Variants in MAML3 observed in about 807,000 individuals in gnomAD.
MAML3 encodes mastermind-like protein 3.
MAML3 carries 27 observed loss-of-function variants against 101.9 expected under a neutral mutation model. The ratio of observed to expected loss-of-function variants is 0.27; its 90% confidence interval spans 0.20 to 0.37. The LOEUF (loss-of-function observed/expected upper bound fraction) is 0.37, where lower values mean the gene tolerates loss of function less well. Among genes scored for constraint, MAML3 ranks in the 10% least tolerant of loss-of-function variants. MAML3 has a pLI of 1.00. For missense variants in MAML3, 1,316 were observed against 1,444.9 expected (o/e 0.91, Z 1.45); for synonymous variants, 501 against 555.9 (o/e 0.90, Z 1.39).
chr4:139,728,766 G>A (rs1728580609), intron 3 of MAML3, among the ~76,000 whole-genome samples: 1 of 152,124 alleles, frequency 6.6e-6, no homozygotes, highest in African/African-American at 2.4e-5. Flanking sequence ...TCATCTTGAC[G>A]TGTCTCTTCT....
At position 140,104,369 on chromosome 4, in the gene MAML3, T is replaced by TAC. The variant is rs1728301154; in HGVS notation, c.468+48490_468+48491insGT. Reference sequence around the variant, plus strand: ...AAAAAAACCAAACCTATTTTATATATATATATAATATATATATATTATATA... The same window carrying TAC: ...AAAAAAACCAAACCTATTTTATATATACATATATAATATATATATATTATATA... On this transcript the variant is annotated intron_variant, in intron 1 of 4. Coordinates refer to ENST00000509479, the MANE Select transcript of MAML3 (RefSeq NM_018717.5). Among the ~76,000 whole-genome samples the TAC allele has an allele frequency of 2.6e-3, 13 of 5,064 alleles. No individual in the cohort carries two copies. The South Asian group carries it at 0.19, about 75-fold the overall frequency. The allele number at this position is 5,064 out of a possible 152,430, so 3.3% of individuals were successfully genotyped here.
chr4:139,812,382 C>G (rs1346484833), intron 2 of MAML3, among the ~76,000 whole-genome samples: 1 of 152,154 alleles, frequency 6.6e-6, no homozygotes, highest in East Asian at 1.9e-4. Context: ...GAGACCTTCT[C>G]CCTCATCCCT....
intron 2 of MAML3, among the ~76,000 whole-genome samples, chr4:139,855,662 T>C (rs1731645895): frequency 1.3e-5 from 2 of 152,250 alleles, no homozygotes; most frequent in Admixed American, 1.3e-4. Context: ...CTTTACCTTA[T>C]GAAGTGCTTT....
At chr4:140,065,700 A>G (rs1727523735) in intron 1 of MAML3, among the ~76,000 whole-genome samples, 1 of 152,216 alleles carries the variant, frequency 6.6e-6, no homozygotes, top group African/African-American at 2.4e-5. Context: ...ATCAAAAGTT[A>G]CAAGTTGTAT....
At chr4:139,770,274 A>C (rs765231069) in intron 2 of MAML3, among the ~76,000 whole-genome samples, 5 of 152,096 alleles carry the variant, frequency 3.3e-5, no homozygotes, top group Non-Finnish European at 7.4e-5. Flanking sequence ...CATCTTAGAA[A>C]TTTTCATTAC....
chr4:139,718,396 TG>T lies in MAML3; in HGVS notation c.*926del, dbSNP rs1265953471. 1 of 151,824 alleles carries T rather than the reference TG, an allele frequency of 6.6e-6. No individual in the cohort carries two copies. The highest frequency in any genetic ancestry group is 1.5e-5 in the Non-Finnish European group (1 of 68,004). 9.4% of individuals were successfully genotyped at this position (151,824 alleles called of 1,614,324 possible). A position where few individuals can be genotyped will look rare whatever the true frequency, so the allele number is the denominator to read the frequency against. Reference sequence around the variant, plus strand: ...TCTGTAAGGAGAAGCAAGGGGAGGCTGGTGTGGAGGCAAGGAGGAATAAAGG... The same window carrying T: ...TCTGTAAGGAGAAGCAAGGGGAGGCTGTGTGGAGGCAAGGAGGAATAAAGG... On this transcript the variant is annotated 3_prime_UTR_variant, in exon 5 of 5. Coordinates refer to ENST00000509479, the MANE Select transcript of MAML3 (RefSeq NM_018717.5).
chr4:139,841,812 T>A (rs1731367343), intron 2 of MAML3, among the ~76,000 whole-genome samples: 1 of 152,232 alleles, frequency 6.6e-6, no homozygotes, highest in South Asian at 2.1e-4. Context: ...ATTAGCATAA[T>A]GAAAAGGCAA....
At chr4:139,743,030 AC>A (rs1022875528) in intron 2 of MAML3, among the ~76,000 whole-genome samples, 3 of 151,432 alleles carry the variant, frequency 2.0e-5, no homozygotes, top group Admixed American at 1.3e-4. Context: ...GCCCACTACC[AC>A]CCCCTCATTT....
intron 1 of MAML3, among the ~76,000 whole-genome samples, chr4:140,048,196 T>C (rs1221665244): frequency 6.6e-6 from 1 of 152,132 alleles, no homozygotes; most frequent in Non-Finnish European, 1.5e-5. Context: ...ATTTCAAGAA[T>C]GAAAGGGAAA....
At chr4:140,111,125 C>T (rs772282984) in intron 1 of MAML3, among the ~76,000 whole-genome samples, 1 of 152,168 alleles carries the variant, frequency 6.6e-6, no homozygotes, top group Admixed American at 6.5e-5. Flanking sequence ...ATGTATTAAA[C>T]ATGGCATAGC....
chr4:140,032,338 T>C (rs1220953237), intron 1 of MAML3, among the ~76,000 whole-genome samples: 2 of 152,238 alleles, frequency 1.3e-5, no homozygotes, highest in Non-Finnish European at 2.9e-5. Context: ...CCTATCTTTG[T>C]AGCGGATGAC....
At chr4:139,918,059 C>G (rs146604815) in intron 1 of MAML3, among the ~76,000 whole-genome samples, 132 of 152,224 alleles carry the variant, frequency 8.7e-4, no homozygotes, top group African/African-American at 3.0e-3. Context: ...GTGTGGCCAG[C>G]ACACACACCT....
intron 2 of MAML3, among the ~76,000 whole-genome samples, chr4:139,867,049 T>C (rs1186943457): frequency 6.6e-6 from 1 of 152,228 alleles, no homozygotes; most frequent in East Asian, 1.9e-4. Context: ...TTTAATGAAA[T>C]AAAATGTGTT....
intron 1 of MAML3, among the ~76,000 whole-genome samples, chr4:140,009,746 A>T (rs1477878727): frequency 6.6e-6 from 1 of 152,250 alleles, no homozygotes; most frequent in Non-Finnish European, 1.5e-5. Context: ...AAGTGAATAA[A>T]GAGACAAAAA....
intron 1 of MAML3, among the ~76,000 whole-genome samples, chr4:140,026,289 C>A (rs112726077): frequency 0.013 from 1,927 of 152,190 alleles, 41 homozygotes; most frequent in African/African-American, 0.043. Context: ...GAATCTCACT[C>A]TGTGGCCCAG....
chr4:140,111,904 T>G lies in MAML3; in HGVS notation c.468+40956A>C, dbSNP rs138017869. On this transcript the variant is annotated intron_variant, in intron 1 of 4. Coordinates refer to ENST00000509479, the MANE Select transcript of MAML3 (RefSeq NM_018717.5). Reference sequence around the variant, plus strand: ...GTGGCCCCAACCCTCACCCTTGCCCTCCTCAGTAGTTCTTTGTCTTCTTGA... The same window carrying G: ...GTGGCCCCAACCCTCACCCTTGCCCGCCTCAGTAGTTCTTTGTCTTCTTGA... Among the ~76,000 whole-genome samples the G allele has an allele frequency of 6.7e-3, 1,014 of 152,318 alleles. 10 individuals are homozygous for G. Among genetic ancestry groups the G allele is most frequent in the Non-Finnish European group, 6.7e-3 (454 of 68,022 alleles).
At chr4:139,875,684 G>T (rs577463960) in intron 2 of MAML3, among the ~76,000 whole-genome samples, 1 of 152,096 alleles carries the variant, frequency 6.6e-6, no homozygotes, top group South Asian at 2.1e-4. Context: ...GAATAAGGGC[G>T]TTCCTTTCCC....
At chr4:139,971,477 A>T (rs948711215) in intron 1 of MAML3, among the ~76,000 whole-genome samples, 4 of 152,204 alleles carry the variant, frequency 2.6e-5, no homozygotes, top group Admixed American at 2.6e-4. Flanking sequence ...ATATTCATGA[A>T]TTCCCAAATT....
chr4:140,098,598 C>T (rs115935910), intron 1 of MAML3, among the ~76,000 whole-genome samples: 5 of 152,300 alleles, frequency 3.3e-5, no homozygotes, highest in Admixed American at 6.5e-5. Context: ...ACCAACTGGA[C>T]GCAGTACCAA....
Sources: gnomAD v4.1 joint callset for allele counts (sites outside exome capture counted in the v4.1 genomes callset) on GRCh38, gnomAD v4.1.1 for gene constraint, MANE v1.5 for transcripts, NCBI Gene and HGNC (gene_info 2026-07-23, HGNC 2026-07-21) for gene names.